The following DMBT1 variants were observed in gnomAD, a reference collection of about 807,000 sequenced individuals.
The protein encoded by DMBT1 is scavenger receptor cysteine-rich domain-containing protein DMBT1.
In DMBT1, 198 loss-of-function variants were observed where a neutral mutation model predicts 252.9. That is an observed-to-expected ratio of 0.78 (90% CI 0.70 to 0.88). The LOEUF is 0.88. Among genes scored for constraint, DMBT1 ranks in the 40% least tolerant of loss-of-function variants. DMBT1 has a pLI of 0.00. For synonymous variants in DMBT1, 990 were observed against 942.7 expected (o/e 1.05, Z -0.92); for missense variants, 2,432 against 2,404.7 (o/e 1.01, Z -0.24).
At chr10:122,579,126 C>T (rs2097741176) in intron 9 of DMBT1, among the ~76,000 whole-genome samples, 1 of 151,994 alleles carries the variant, frequency 6.6e-6, no homozygotes. Flanking sequence ...GATCCTGTTC[C>T]AAGTGGTCAG....
chr10:122,576,750 G>T (rs1276246723), intron 7 of DMBT1, 28 bp downstream of exon 7: 1 of 1,613,254 alleles, frequency 6.2e-7, no homozygotes, highest in Non-Finnish European at 8.5e-7. Flanking sequence ...TGGAGGGTTG[G>T]GTGTGGTGGC....
At chr10:122,576,201 T>G (rs899776645) in intron 6 of DMBT1, among the ~76,000 whole-genome samples, 198 bp from the exon 7 acceptor site, 46 of 152,180 alleles carry the variant, frequency 3.0e-4, no homozygotes, top group African/African-American at 9.7e-4. Context: ...GCTGAAGCTC[T>G]AAGGCTTGGG....
intron 7 of DMBT1, among the ~76,000 whole-genome samples, 177 bp from the exon 8 acceptor site, chr10:122,577,634 A>G (rs1015085342): frequency 3.3e-5 from 5 of 151,856 alleles, no homozygotes; most frequent in Admixed American, 6.6e-5. Flanking sequence ...AGGCAATGCC[A>G]GGGGCTGTGG....
In DMBT1 at chr10:122,592,481, G is replaced by A. The variant is rs1316799910; in HGVS notation, c.2386G>A (p.Val796Ile). The A allele has an allele frequency of 6.3e-7, 1 of 1,588,192 alleles. No individual in the cohort carries two copies. The highest frequency in any genetic ancestry group is 1.7e-5 in the Admixed American group (1 of 59,508). The change falls in exon 20 of 56, where the codon GTT becomes ATT. Residue 796 changes from valine to isoleucine, a missense_variant. Val to Ile is a conservative substitution (Grantham distance 29). Transcript: ENST00000338354. ...GTTTGGCCAGGGCTCAGGACCCATTGTTCTGGATGATGTGCGCTGCTCAGG... is the reference window on the plus strand; with the variant it reads ...GTTTGGCCAGGGCTCAGGACCCATTATTCTGGATGATGTGCGCTGCTCAGG... ...ARFGQGSGPI[V>I]LDDVRCSGHE...
At chr10:122,577,774 G>A (rs1171270986) in intron 7 of DMBT1, 37 bp from the exon 8 acceptor site, 1 of 1,613,192 alleles carries the variant, frequency 6.2e-7, no homozygotes, top group Non-Finnish European at 8.5e-7. Context: ...GAGTCACTGA[G>A]TGTTTGGTGT....
chr10:122,578,205 T>TA (rs1398286340), intron 8 of DMBT1, among the ~76,000 whole-genome samples: 1 of 152,172 alleles, frequency 6.6e-6, no homozygotes, highest in Non-Finnish European at 1.5e-5. Context: ...GCAAGGTCAG[T>TA]ACAGGCTTGA....
intron 14 of DMBT1, among the ~76,000 whole-genome samples, chr10:122,584,958 G>A (rs2097776932): frequency 6.7e-6 from 1 of 149,134 alleles, no homozygotes. Context: ...GCTCGAGCTA[G>A]TAGAGTGTCA....
intron 44 of DMBT1, among the ~76,000 whole-genome samples, chr10:122,624,626 G>A (rs922228160): frequency 6.6e-6 from 1 of 152,186 alleles, no homozygotes; most frequent in Non-Finnish European, 1.5e-5. Context: ...CTGGGGCACC[G>A]TGTATGATGA....
intron 8 of DMBT1, 128 bp from the exon 9 acceptor site, chr10:122,578,590 G>C (rs2097734173): frequency 1.3e-6 from 1 of 772,698 alleles, no homozygotes; most frequent in Admixed American, 2.1e-5. Context: ...CAGACACATG[G>C]GGAGCAAGTG....
rs778735182 is a variant in DMBT1, at chr10:122,631,183, A to C, written c.6248A>C (p.Glu2083Ala). 1 of 1,614,006 alleles carries C rather than the reference A, an allele frequency of 6.2e-7. No individual in the cohort carries two copies. The highest frequency in any genetic ancestry group is 1.7e-5 in the Admixed American group (1 of 60,026). Residue 2083 changes from glutamate (E) to alanine (A), a missense_variant, in exon 49 of 56, where the codon GAG becomes GCG. Glu to Ala is a moderately radical substitution (Grantham distance 107). Transcript: ENST00000338354. ...GSGPITLDDV[E>A]CSGTESTLWQ... ...GGCCCCATCACCCTGGACGATGTAG[A>C]GTGCTCAGGGACGGAATCCACTCTC...
chr10:122,561,418 G>A (rs2097544474), intron 1 of DMBT1, among the ~76,000 whole-genome samples: 1 of 143,778 alleles, frequency 7.0e-6, no homozygotes, highest in Non-Finnish European at 1.6e-5. Flanking sequence ...CTCAAGCATA[G>A]CTGTATGTTC....
intron 2 of DMBT1, among the ~76,000 whole-genome samples, chr10:122,566,765 G>A (rs550283288): frequency 6.6e-6 from 1 of 152,330 alleles, no homozygotes; most frequent in African/African-American, 2.4e-5. Context: ...CCTAATAAGT[G>A]CTCAACTAAT....
chr10:122,576,835 C>T, intron 7 of DMBT1, 113 bp downstream of exon 7: 1 of 1,339,592 alleles, frequency 7.5e-7, no homozygotes, highest in Non-Finnish European at 1.0e-6. Context: ...AAGACCAGCT[C>T]TAGGCAAGAT....
chr10:122,625,356 C>T lies in DMBT1; in HGVS notation c.5635+53C>T. ...ATATTTCTCTTGGGAATTCCACCCT[C>T]TCTTGTTTCCAGAAGTAGGAGGAGT... On this transcript the variant is annotated intron_variant, in intron 45 of 55. Transcript: ENST00000338354. 4 of 1,551,766 alleles carry T rather than the reference C, an allele frequency of 2.6e-6. No homozygotes were observed. The East Asian group carries it at 6.8e-5, about 26-fold the overall frequency.
intron 18 of DMBT1, 29 bp downstream of exon 18, chr10:122,590,723 G>A (rs1565735772): frequency 6.3e-7 from 1 of 1,583,326 alleles, no homozygotes. Context: ...TCCTTGGGAT[G>A]TCCCTTTTCT....
At position 122,618,153 on chromosome 10, in the gene DMBT1, C is replaced by T. The variant is rs766419895; in HGVS notation, c.5028C>T (p.Cys1676=). Residue 1676 remains cysteine (C), a synonymous_variant, in exon 41 of 56, where the codon TGC becomes TGT. Transcript: ENST00000338354. ...ACACCAATGATGCCAACGTGGTCTGCAGGCAGCTGGGCTGTGGCTGGGCCA... is the reference window on the plus strand; with the variant it reads ...ACACCAATGATGCCAACGTGGTCTGTAGGCAGCTGGGCTGTGGCTGGGCCA... The part of the protein sequence containing the change: ...YWDTNDANVV[C]RQLGCGWAMS... 60 of 1,613,944 alleles carry T rather than the reference C, an allele frequency of 3.7e-5. No individual in the cohort carries two copies. Among genetic ancestry groups the T allele is most frequent in the Non-Finnish European group, 5.0e-5 (59 of 1,179,872 alleles).
rs1001413004 is a variant in DMBT1 at position 122,579,796 on chromosome 10, G to A, written c.898G>A (p.Asp300Asn). 2 of 1,607,322 alleles carry A rather than the reference G, an allele frequency of 1.2e-6. No individual in the cohort carries two copies. The highest frequency in any genetic ancestry group is 2.2e-5 in the East Asian group (1 of 44,874). Reference sequence around the variant, plus strand: ...GGGCTCAGGACCCATTGTCCTGGATGATGTGCGCTGCTCAGGACATGAGTC... The same window carrying A: ...GGGCTCAGGACCCATTGTCCTGGATAATGTGCGCTGCTCAGGACATGAGTC... ...GQGSGPIVLDDVRCSGHESYL... is the reference protein window; with the variant it reads ...GQGSGPIVLDNVRCSGHESYL... The change falls in exon 10 of 56, where the codon GAT (aspartate) becomes AAT (asparagine). Residue 300 changes from aspartate (D) to asparagine (N), a missense_variant. Coordinates refer to ENST00000338354, the MANE Select transcript of DMBT1 (RefSeq NM_001377530.1).
chr10:122,574,685 C>A (rs1436618894), intron 6 of DMBT1, among the ~76,000 whole-genome samples: 1 of 152,226 alleles, frequency 6.6e-6, no homozygotes, highest in East Asian at 1.9e-4. Flanking sequence ...AGAGGAGAAT[C>A]TGTTCCTTCC....
In DMBT1 at chr10:122,631,264, C is replaced by G; in HGVS notation, c.6329C>G (p.Ala2110Gly). Residue 2110 changes from alanine to glycine, a missense_variant, in exon 49 of 56, where the codon GCT becomes GGT. By Grantham distance (60) the Ala-to-Gly change is moderately conservative. Around this residue, in one of 3 missense-constraint regions of DMBT1, gnomAD observed 1,162 missense variants for 1,169.0 expected, o/e 0.99. Coordinates refer to ENST00000338354, the MANE Select transcript of DMBT1 (RefSeq NM_001377530.1). ...CACAACTGTAATCATCGTGAAGATG[C>G]TGGTGTCATCTGCTCAGGTATGGCC... ...FSHNCNHRED[A>G]GVICSGNHLS... The G allele has an allele frequency of 1.2e-6, 2 of 1,613,928 alleles. No individual in the cohort carries two copies. Among genetic ancestry groups the G allele is most frequent in the Non-Finnish European group, 1.7e-6 (2 of 1,179,846 alleles).
Sources: gnomAD v4.1 joint callset for allele counts (sites outside exome capture counted in the v4.1 genomes callset) on GRCh38, gnomAD v4.1.1 for gene constraint, gnomAD v4.1.1 regional missense constraint, MANE v1.5 for transcripts, NCBI Gene and HGNC (gene_info 2026-07-23, HGNC 2026-07-21) for gene names.